FAM227B: variants seen among roughly 807,000 people sequenced by gnomAD.
FAM227B encodes protein FAM227B.
FAM227B carries 88 observed loss-of-function variants against 73.8 expected under a neutral mutation model. That is an observed-to-expected ratio of 1.19 (90% CI 1.00 to 1.42). FAM227B has a LOEUF of 1.42. FAM227B is among the 40% of genes most tolerant of loss of function. The pLI is 0.00. For missense variants in FAM227B, 632 were observed against 590.9 expected, an observed-to-expected ratio of 1.07 and a Z score of -0.72; for synonymous variants, 210 against 190.5, an observed-to-expected ratio of 1.10 and a Z score of -0.84.
intron 11 of FAM227B, among the ~76,000 whole-genome samples, chr15:49,470,974 CA>C (rs2054687302): frequency 1.3e-5 from 2 of 152,158 alleles, no homozygotes; most frequent in Non-Finnish European, 2.9e-5. Context: ...GTGTTTGTTC[CA>C]CATCTTGTGC....
At chr15:49,428,317 G>C (rs1399602501) in intron 11 of FAM227B, among the ~76,000 whole-genome samples, 1 of 151,856 alleles carries the variant, frequency 6.6e-6, no homozygotes. Context: ...CTAATAATAA[G>C]AATACTAAAA....
intron 2 of FAM227B, chr15:49,614,796 C>G (rs77846978): frequency 0.2 from 53,181 of 271,310 alleles, 6,376 homozygotes; most frequent in Middle Eastern, 0.25. Flanking sequence ...CCAACTCCTC[C>G]TTCTTACCAC....
At chr15:49,470,042 T>G (rs2054597719) in intron 11 of FAM227B, among the ~76,000 whole-genome samples, 1 of 152,176 alleles carries the variant, frequency 6.6e-6, no homozygotes. Flanking sequence ...CTTAATTCTC[T>G]GGTAAAATTT....
At chr15:49,404,880 T>A (rs1183222305) in intron 11 of FAM227B, among the ~76,000 whole-genome samples, 1 of 152,038 alleles carries the variant, frequency 6.6e-6, no homozygotes, top group Non-Finnish European at 1.5e-5. Context: ...GTTTTTGTAG[T>A]GGCTGGCAAT....
chr15:49,390,604 C>T (rs1194959087), intron 11 of FAM227B, among the ~76,000 whole-genome samples: 5 of 151,978 alleles, frequency 3.3e-5, no homozygotes, highest in African/African-American at 1.2e-4. Flanking sequence ...CAGAATTTCA[C>T]ATTCTAACCT....
intron 3 of FAM227B, among the ~76,000 whole-genome samples, chr15:49,603,282 C>T (rs1848290): frequency 1.3e-5 from 2 of 152,070 alleles, no homozygotes; most frequent in Non-Finnish European, 2.9e-5. Flanking sequence ...TAAACATGGA[C>T]TATCTTTCCA....
chr15:49,571,109 T>C (rs921297983), intron 8 of FAM227B, among the ~76,000 whole-genome samples: 3 of 151,632 alleles, frequency 2.0e-5, no homozygotes, highest in African/African-American at 7.3e-5. Flanking sequence ...GATTGCTGGA[T>C]CTTACGGTGA....
chr15:49,465,157 T>C (rs1000639346), intron 11 of FAM227B, among the ~76,000 whole-genome samples: 1 of 151,964 alleles, frequency 6.6e-6, no homozygotes, highest in African/African-American at 2.4e-5. Flanking sequence ...TGAGATGGAG[T>C]CTCGCACTGT....
chr15:49,418,798 AAG>A (rs201296502), intron 11 of FAM227B, among the ~76,000 whole-genome samples: 68 of 151,302 alleles, frequency 4.5e-4, no homozygotes, highest in East Asian at 2.2e-3. Flanking sequence ...AAGAAAAAAA[AAG>A]AAATATGTGT....
rs551618869 is a variant in FAM227B, at chr15:49,334,481, A to T, written c.1349+938T>A. Among the ~76,000 whole-genome samples, 143 of 152,256 alleles carry T rather than the reference A, an allele frequency of 9.4e-4. 5 individuals are homozygous for T. In the South Asian group the frequency reaches 0.028, roughly 30 times the overall value. ...CATTCCCTGTTACAAACATATGCCAAAGGTATCACCCACAACACCTGAGTA... is the reference window on the plus strand; with the variant it reads ...CATTCCCTGTTACAAACATATGCCATAGGTATCACCCACAACACCTGAGTA... On this transcript the variant is annotated intron_variant, in intron 14 of 15. Coordinates refer to ENST00000299338, the MANE Select transcript of FAM227B (RefSeq NM_152647.3).
intron 11 of FAM227B, among the ~76,000 whole-genome samples, chr15:49,467,219 T>C (rs1045586429): frequency 6.6e-6 from 1 of 152,192 alleles, no homozygotes; most frequent in African/African-American, 2.4e-5. Flanking sequence ...AAGTGTAGCA[T>C]AACATGCTTT....
At chr15:49,458,490 C>G (rs987523344) in intron 11 of FAM227B, among the ~76,000 whole-genome samples, 1 of 151,822 alleles carries the variant, frequency 6.6e-6, no homozygotes, top group Non-Finnish European at 1.5e-5. Flanking sequence ...CCCTCTTTAC[C>G]AATTTAAGAT....
At chr15:49,565,373 C>G (rs1201776622) in intron 9 of FAM227B, among the ~76,000 whole-genome samples, 2 of 129,778 alleles carry the variant, frequency 1.5e-5, no homozygotes, top group African/African-American at 6.1e-5. Context: ...CAGAGTGAGA[C>G]TCCATCTCAA....
chr15:49,338,826 T>C (rs2040223919), intron 13 of FAM227B, among the ~76,000 whole-genome samples: 1 of 152,188 alleles, frequency 6.6e-6, no homozygotes, highest in African/African-American at 2.4e-5. Context: ...TGTTCGTTTC[T>C]TTTCATTCTT....
intron 9 of FAM227B, among the ~76,000 whole-genome samples, chr15:49,553,583 A>C (rs1044047217): frequency 6.6e-6 from 1 of 152,178 alleles, no homozygotes; most frequent in African/African-American, 2.4e-5. Flanking sequence ...AAAGAAAAAA[A>C]ACCTTAGAGC....
chr15:49,365,598 T>G (rs2045012764), intron 13 of FAM227B: 4 of 995,662 alleles, frequency 4.0e-6, no homozygotes, highest in South Asian at 1.3e-5. Context: ...CACCATTCTT[T>G]GTGATGAATG....
At chr15:49,421,750 C>T (rs181834870) in intron 11 of FAM227B, among the ~76,000 whole-genome samples, 38 of 152,244 alleles carry the variant, frequency 2.5e-4, no homozygotes, top group African/African-American at 8.4e-4. Context: ...GAATTCTGAG[C>T]CTGCTCATTA....
intron 11 of FAM227B, among the ~76,000 whole-genome samples, chr15:49,499,120 C>G (rs1326754169): frequency 7.3e-6 from 1 of 137,330 alleles, no homozygotes; most frequent in Non-Finnish European, 1.5e-5. Context: ...GAGCCGAGAT[C>G]CCGCCACTGC....
intron 11 of FAM227B, among the ~76,000 whole-genome samples, chr15:49,420,411 A>G (rs2151728699): frequency 6.6e-6 from 1 of 152,232 alleles, no homozygotes; most frequent in South Asian, 2.1e-4. Context: ...AAAAAAAAAT[A>G]CAAAAAAATG....
Sources: gnomAD v4.1 joint callset for allele counts (sites outside exome capture counted in the v4.1 genomes callset) on GRCh38, gnomAD v4.1.1 for gene constraint, MANE v1.5 for transcripts, NCBI Gene and HGNC (gene_info 2026-07-23, HGNC 2026-07-21) for gene names.